Variants in GRM7 observed in about 807,000 individuals in gnomAD.
GRM7 encodes glutamate metabotropic receptor 7.
In GRM7, 35 loss-of-function variants were observed where a neutral mutation model predicts 84.5. The observed-to-expected ratio is 0.41, with a 90% CI of 0.32 to 0.55. GRM7 has a LOEUF of 0.55. GRM7 is among the 20% of genes least tolerant of loss of function. The probability of loss-of-function intolerance (pLI) is 0.19; values close to 1 mark genes in which losing one functional copy is unlikely to be tolerated. For missense variants in GRM7, 1,003 were observed against 1,194.6 expected (o/e 0.84, Z 2.36); for synonymous variants, 487 against 455.1 (o/e 1.07, Z -0.89).
intron 4 of GRM7, among the ~76,000 whole-genome samples, chr3:7,404,108 T>G (rs1201090885): frequency 6.6e-6 from 1 of 152,158 alleles, no homozygotes; most frequent in Admixed American, 6.6e-5. Flanking sequence ...ATTCTATACT[T>G]AATTCCAGTG....
chr3:7,141,553 A>C (rs1183682482), intron 1 of GRM7, among the ~76,000 whole-genome samples: 1 of 152,052 alleles, frequency 6.6e-6, no homozygotes, highest in African/African-American at 2.4e-5. Flanking sequence ...ATCTTAATGG[A>C]ATTTTATTGT....
chr3:7,634,474 T>G (rs1419377633), intron 8 of GRM7, among the ~76,000 whole-genome samples: 1 of 92,742 alleles, frequency 1.1e-5, no homozygotes, highest in Non-Finnish European at 2.0e-5. Context: ...TTTGCACTTT[T>G]TTTCCAAAAA....
intron 2 of GRM7, among the ~76,000 whole-genome samples, chr3:7,228,152 G>C (rs1697043401): frequency 6.6e-6 from 1 of 152,080 alleles, no homozygotes; most frequent in African/African-American, 2.4e-5. Context: ...CAGACCTGTG[G>C]GTAAGGTGAC....
In GRM7 at chr3:7,123,202, T is replaced by G. The variant is rs534187252; in HGVS notation, c.520-23250T>G. Among the ~76,000 whole-genome samples the G allele has an allele frequency of 7.9e-5, 12 of 152,384 alleles. No individual in the cohort carries two copies. The East Asian group carries it at 2.1e-3, about 27-fold the overall frequency. On this transcript the variant is annotated intron_variant, in intron 1 of 9. Coordinates refer to ENST00000357716, the MANE Select transcript of GRM7 (RefSeq NM_000844.4). ...TCACAGTAATGTGTGTTGAGAATGT[T>G]TAAATGCATTCTGCAGTTCTTTAAG...
chr3:7,138,648 G>GA (rs1693846661), intron 1 of GRM7, among the ~76,000 whole-genome samples: 2 of 151,672 alleles, frequency 1.3e-5, no homozygotes, highest in Admixed American at 1.3e-4. Context: ...ACTAAAGATT[G>GA]AAAAATACTG....
rs556717440 is a variant in GRM7 at position 7,445,400 on chromosome 3, G to A, written c.1175-7207G>A. Reference sequence around the variant, plus strand: ...AATAATATTAATAGTACTTATCCCAGAAGTGTGCTGTGAGGGTTAAAAAGT... The same window carrying A: ...AATAATATTAATAGTACTTATCCCAAAAGTGTGCTGTGAGGGTTAAAAAGT... On this transcript the variant is annotated intron_variant, in intron 5 of 9. Coordinates refer to ENST00000357716, the MANE Select transcript of GRM7 (RefSeq NM_000844.4). Among the ~76,000 whole-genome samples, 3 of 152,292 alleles carry A rather than the reference G, an allele frequency of 2.0e-5. No individual in the cohort carries two copies. In the South Asian group the frequency reaches 6.2e-4, roughly 32 times the overall value.
intron 7 of GRM7, among the ~76,000 whole-genome samples, chr3:7,508,221 T>C (rs1472602820): frequency 6.6e-6 from 1 of 152,104 alleles, no homozygotes; most frequent in African/African-American, 2.4e-5. Context: ...GGTTTAGTGA[T>C]AAAATACCAT....
At chr3:7,689,700 A>C (rs1469075706) in intron 9 of GRM7, among the ~76,000 whole-genome samples, 1 of 152,218 alleles carries the variant, frequency 6.6e-6, no homozygotes, top group Non-Finnish European at 1.5e-5. Context: ...AGAAATGTAC[A>C]CATCATATCT....
intron 1 of GRM7, among the ~76,000 whole-genome samples, chr3:7,079,334 C>T (rs1404735461): frequency 6.6e-6 from 1 of 152,040 alleles, no homozygotes; most frequent in Non-Finnish European, 1.5e-5. Flanking sequence ...GCTGGTTCTT[C>T]TACAGATATT....
intron 1 of GRM7, among the ~76,000 whole-genome samples, chr3:7,012,460 C>T (rs1438211033): frequency 1.3e-5 from 2 of 152,090 alleles, no homozygotes; most frequent in African/African-American, 4.8e-5. Flanking sequence ...GGAAACACTA[C>T]CCCAGAATAG....
intron 8 of GRM7, among the ~76,000 whole-genome samples, chr3:7,596,480 G>A (rs1264140318): frequency 6.6e-6 from 1 of 152,112 alleles, no homozygotes; most frequent in Non-Finnish European, 1.5e-5. Flanking sequence ...TGATGCCCAA[G>A]ATACTCCAAT....
intron 7 of GRM7, among the ~76,000 whole-genome samples, chr3:7,513,423 T>C (rs1022384383): frequency 2.6e-5 from 4 of 152,204 alleles, no homozygotes; most frequent in African/African-American, 9.6e-5. Flanking sequence ...TTTTCTTTTC[T>C]ATCTATTATG....
intron 1 of GRM7, among the ~76,000 whole-genome samples, chr3:7,079,540 A>G (rs1467869971): frequency 2.0e-5 from 3 of 152,258 alleles, no homozygotes; most frequent in South Asian, 2.1e-4. Flanking sequence ...AAATAATTCA[A>G]ATTGACTCTG....
At chr3:6,878,287 A>G (rs567127539) in intron 1 of GRM7, among the ~76,000 whole-genome samples, 2 of 152,272 alleles carry the variant, frequency 1.3e-5, no homozygotes, top group Non-Finnish European at 2.9e-5. Flanking sequence ...AGTTGTAACT[A>G]AATATGTATT....
At chr3:7,080,446 C>T (rs1698240179) in intron 1 of GRM7, among the ~76,000 whole-genome samples, 1 of 151,976 alleles carries the variant, frequency 6.6e-6, no homozygotes, top group Admixed American at 6.6e-5. Flanking sequence ...GTGAGGTTTT[C>T]ATTCTGAGCT....
intron 2 of GRM7, among the ~76,000 whole-genome samples, chr3:7,250,555 C>CA (rs375250775): frequency 1 from 151,713 of 151,732 alleles, 75,847 homozygotes; most frequent in Middle Eastern, 1. Flanking sequence ...AAATCCCCAT[C>CA]CTGTGCCAAC....
intron 2 of GRM7, among the ~76,000 whole-genome samples, chr3:7,174,005 G>A (rs1270487262): frequency 6.6e-6 from 1 of 152,098 alleles, no homozygotes; most frequent in East Asian, 1.9e-4. Context: ...CTGAATTTCT[G>A]TTGAATGCCC....
chr3:7,267,450 T>C (rs1334121293), intron 2 of GRM7, among the ~76,000 whole-genome samples: 2 of 152,202 alleles, frequency 1.3e-5, no homozygotes, highest in Non-Finnish European at 1.5e-5. Context: ...AATCAGGAGT[T>C]GGGAAGCAGG....
chr3:7,016,184 A>G (rs1490176011), intron 1 of GRM7, among the ~76,000 whole-genome samples: 2 of 152,196 alleles, frequency 1.3e-5, no homozygotes, highest in Admixed American at 1.3e-4. Flanking sequence ...TAGGTAAATT[A>G]CTTTCTTTCT....
Sources: gnomAD v4.1 joint callset for allele counts (sites outside exome capture counted in the v4.1 genomes callset) on GRCh38, gnomAD v4.1.1 for gene constraint, MANE v1.5 for transcripts, NCBI Gene and HGNC (gene_info 2026-07-23, HGNC 2026-07-21) for gene names.